TNIK: variants seen among roughly 807,000 people sequenced by gnomAD.
The protein encoded by TNIK is TRAF2 and NCK-interacting protein kinase.
A neutral mutation model predicts 191.3 loss-of-function variants in TNIK; 49 were observed. That is an observed-to-expected ratio of 0.26 (90% CI 0.20 to 0.32). TNIK has a LOEUF of 0.32. Among genes scored for constraint, TNIK ranks in the 10% least tolerant of loss-of-function variants. The probability of loss-of-function intolerance (pLI) is 1.00; values close to 1 mark genes in which losing one functional copy is unlikely to be tolerated. For synonymous variants in TNIK, 594 were observed against 600.9 expected (o/e 0.99, Z 0.17); for missense variants, 1,155 against 1,702.3 (o/e 0.68, Z 5.66).
At chr3:171,207,739 AC>A (rs1364804566) in intron 4 of TNIK, among the ~76,000 whole-genome samples, 2 of 152,194 alleles carry the variant, frequency 1.3e-5, no homozygotes, top group Non-Finnish European at 2.9e-5. Context: ...TCCTTTGGAA[AC>A]ACAAAGATAT....
intron 3 of TNIK, among the ~76,000 whole-genome samples, chr3:171,216,376 C>T (rs1741452989): frequency 6.6e-6 from 1 of 152,094 alleles, no homozygotes; most frequent in African/African-American, 2.4e-5. Flanking sequence ...CTAGTGAATA[C>T]AAAATTAGAA....
chr3:171,331,036 A>G (rs1357650104), intron 2 of TNIK, among the ~76,000 whole-genome samples: 1 of 152,222 alleles, frequency 6.6e-6, no homozygotes, highest in Non-Finnish European at 1.5e-5. Flanking sequence ...TTCAAATTGA[A>G]CAATCTAAGC....
chr3:171,447,978 T>C (rs184863460), intron 1 of TNIK, among the ~76,000 whole-genome samples: 168 of 152,344 alleles, frequency 1.1e-3, no homozygotes, highest in African/African-American at 3.8e-3. Flanking sequence ...GGCATGATAA[T>C]ACTATTATGG....
intron 20 of TNIK, among the ~76,000 whole-genome samples, 179 bp from the exon 21 acceptor site, chr3:171,107,385 G>A (rs1010992811): frequency 2.6e-5 from 4 of 152,068 alleles, no homozygotes; most frequent in Admixed American, 6.6e-5. Flanking sequence ...GGTATACGTC[G>A]TTACTTTAAG....
chr3:171,322,839 CTT>C (rs10617013), intron 2 of TNIK, among the ~76,000 whole-genome samples: 25,628 of 136,200 alleles, frequency 0.19, 2,383 homozygotes, highest in African/African-American at 0.25. Flanking sequence ...GTTTTCTTTT[CTT>C]TTTTTTTTTT....
Position 171,362,944 on chromosome 3 carries a change from T to C in TNIK, c.123+6676A>G, listed in dbSNP as rs190423347. Among the ~76,000 whole-genome samples, 347 of 152,314 alleles carry C rather than the reference T, an allele frequency of 2.3e-3. 1 individual carries two copies. The highest frequency in any genetic ancestry group is 4.0e-3 in the Non-Finnish European group (270 of 68,026). ...ATCTTGTGCCCATTCAGGTCCCCAC[T>C]CTGCCTGGACAGCATTAATTCCTAA... On this transcript the variant is annotated intron_variant, in intron 2 of 32. Transcript: ENST00000436636.
chr3:171,385,823 A>G (rs1718649109), intron 1 of TNIK, among the ~76,000 whole-genome samples: 1 of 152,232 alleles, frequency 6.6e-6, no homozygotes, highest in South Asian at 2.1e-4. Context: ...AGAAATCAGG[A>G]TTCCGTAAGC....
At chr3:171,096,614 ATTCTC>A (rs1722754975) in intron 22 of TNIK, among the ~76,000 whole-genome samples, 1 of 152,082 alleles carries the variant, frequency 6.6e-6, no homozygotes, top group Admixed American at 6.5e-5. Context: ...ATTCTTTTCT[ATTCTC>A]TGCCTCCCTC....
At chr3:171,322,563 T>C (rs973284747) in intron 2 of TNIK, among the ~76,000 whole-genome samples, 1 of 152,312 alleles carries the variant, frequency 6.6e-6, no homozygotes, top group African/African-American at 2.4e-5. Context: ...TTCTACAATT[T>C]CCTTTGATCA....
chr3:171,282,342 T>TTTTTTTTTG (rs1750545884), intron 2 of TNIK, among the ~76,000 whole-genome samples: 1 of 70,614 alleles, frequency 1.4e-5, no homozygotes, highest in African/African-American at 6.0e-5. Context: ...TGGTTTTTTG[T>TTTTTTTTTG]TTTTTTTTTT....
chr3:171,305,025 AGAAATTGAAAATCTCTGCCACAGGG>A (rs1753290067), intron 2 of TNIK, among the ~76,000 whole-genome samples: 1 of 148,216 alleles, frequency 6.7e-6, no homozygotes. Context: ...AAAAAAAAAA[AGAAATTGAAAATCTCTGCCACAGGG>A]AAAAAAAAAA....
At chr3:171,133,695 G>A (rs763758807) in intron 15 of TNIK, among the ~76,000 whole-genome samples, 1 of 152,216 alleles carries the variant, frequency 6.6e-6, no homozygotes, top group South Asian at 2.1e-4. Context: ...ATGCAGAAAT[G>A]GAGGAAAGAT....
At chr3:171,239,418 A>G (rs1744683927) in intron 2 of TNIK, among the ~76,000 whole-genome samples, 2 of 152,266 alleles carry the variant, frequency 1.3e-5, no homozygotes, top group Non-Finnish European at 2.9e-5. Flanking sequence ...GAAAAAATAA[A>G]TGAGCAGCAT....
At chr3:171,356,873 A>G (rs1714158799) in intron 2 of TNIK, among the ~76,000 whole-genome samples, 1 of 152,190 alleles carries the variant, frequency 6.6e-6, no homozygotes. Context: ...TTTCAAAACC[A>G]TTGTTTTATG....
intron 18 of TNIK, among the ~76,000 whole-genome samples, chr3:171,120,315 TTTTC>T (rs937189962): frequency 2.0e-4 from 30 of 146,698 alleles, no homozygotes; most frequent in African/African-American, 6.0e-4. Context: ...TGTTTTTCTT[TTTTC>T]TTTCTTTTTT....
intron 2 of TNIK, among the ~76,000 whole-genome samples, chr3:171,362,082 A>G (rs1169522686): frequency 6.6e-6 from 1 of 152,172 alleles, no homozygotes; most frequent in African/African-American, 2.4e-5. Flanking sequence ...AAGAAGAAAT[A>G]CTGTTGCTTC....
At chr3:171,434,805 C>A (rs1435017260) in intron 1 of TNIK, among the ~76,000 whole-genome samples, 5 of 152,076 alleles carry the variant, frequency 3.3e-5, no homozygotes, top group African/African-American at 1.2e-4. Context: ...TGCCTTTATT[C>A]AATGGCTAAC....
At position 171,066,270 on chromosome 3, in the gene TNIK, A is replaced by C. The variant is rs756399748; in HGVS notation, c.3916T>G (p.Ser1306Ala). Residue 1306 changes from serine to alanine, a missense_variant, in exon 32 of 33, where the codon TCA becomes GCA. Physicochemically the swap from Ser to Ala is moderately conservative, Grantham distance 99. Around this residue, in one of 3 missense-constraint regions of TNIK, gnomAD observed 195 missense variants for 415.4 expected, o/e 0.47. Coordinates refer to ENST00000436636, the MANE Select transcript of TNIK (RefSeq NM_015028.4). ...CCATCCAAATGTCCTGTTTCCACTGACCGGATCTCAATAGCTTTCTCGCCC... is the reference window on the plus strand; with the variant it reads ...CCATCCAAATGTCCTGTTTCCACTGCCCGGATCTCAATAGCTTTCTCGCCC... ...GWGEKAIEIR[S>A]VETGHLDGVF... 10 of 1,613,822 alleles carry C rather than the reference A, an allele frequency of 6.2e-6. No individual in the cohort carries two copies. Among genetic ancestry groups the C allele is most frequent in the Non-Finnish European group, 8.5e-6 (10 of 1,179,890 alleles).
At chr3:171,078,220 C>A (rs1720233221) in intron 28 of TNIK, among the ~76,000 whole-genome samples, 1 of 152,080 alleles carries the variant, frequency 6.6e-6, no homozygotes, top group African/African-American at 2.4e-5. Context: ...GATTTCAAGG[C>A]TTTTAATTCT....
Sources: allele counts gnomAD v4.1 joint callset (sites outside exome capture counted in the v4.1 genomes callset), GRCh38; gene constraint gnomAD v4.1.1; regional missense constraint gnomAD v4.1.1; transcripts MANE v1.5; gene names NCBI Gene and HGNC (gene_info 2026-07-23, HGNC 2026-07-21).